Variants in PDE4D observed in about 807,000 individuals in gnomAD.
PDE4D encodes phosphodiesterase 4D, also known as 3',5'-cyclic-AMP phosphodiesterase 4D.
PDE4D carries 24 observed loss-of-function variants against 87.4 expected under a neutral mutation model. The observed-to-expected ratio is 0.27, with a 90% CI of 0.20 to 0.39. PDE4D has a LOEUF of 0.39. Ranked by LOEUF, PDE4D falls within the 10% of genes least tolerant of loss-of-function variation. The pLI is 1.00. For missense variants in PDE4D, 714 were observed against 1,041.0 expected, an observed-to-expected ratio of 0.69 and a Z score of 4.32; for synonymous variants, 384 against 383.2, an observed-to-expected ratio of 1.00 and a Z score of -0.02.
At position 60,209,187 on chromosome 5, in the gene PDE4D, CTTTTTTT is replaced by C. The variant is rs58524375; in HGVS notation, c.-89-23507_-89-23501del. The stretch of plus-strand genomic sequence containing the variant: ...CAAGGAAAGTATTTTTTCTTTTTTT[CTTTTTTT>C]TTTTTTTTTTTTTTTAGTGTTAATG... On this transcript the variant is annotated intron_variant, in intron 1 of 16. Coordinates refer to the PDE4D transcript ENST00000502484. Among the ~76,000 whole-genome samples, 6 of 108,476 alleles carry C rather than the reference CTTTTTTT, an allele frequency of 5.5e-5. No homozygotes were observed. The South Asian group carries it at 1.8e-3, about 33-fold the overall frequency. 71.2% of individuals were successfully genotyped at this position (108,476 alleles called of 152,430 possible). A position where few individuals can be genotyped will look rare whatever the true frequency, so the allele number is the denominator to read the frequency against.
At chr5:59,825,321 C>T (rs1005277746) in intron 1 of PDE4D, among the ~76,000 whole-genome samples, 3 of 152,210 alleles carry the variant, frequency 2.0e-5, no homozygotes, top group Non-Finnish European at 4.4e-5. Context: ...CGCTGAAGAA[C>T]CATCTCAGAG....
At chr5:60,463,390 A>T (rs546648013) in intron 1 of PDE4D, among the ~76,000 whole-genome samples, 1 of 152,224 alleles carries the variant, frequency 6.6e-6, no homozygotes, top group East Asian at 1.9e-4. Context: ...ACACACACAC[A>T]CAATTTCTAC....
At chr5:59,701,915 G>A (rs1752631406) in intron 1 of PDE4D, among the ~76,000 whole-genome samples, 1 of 152,196 alleles carries the variant, frequency 6.6e-6, no homozygotes, top group African/African-American at 2.4e-5. Flanking sequence ...AGTTCTGGAG[G>A]CAGAGAGTGG....
At chr5:59,076,475 A>G (rs1307905539) in intron 5 of PDE4D, among the ~76,000 whole-genome samples, 1 of 152,194 alleles carries the variant, frequency 6.6e-6, no homozygotes, top group African/African-American at 2.4e-5. Context: ...AGTTAATGCC[A>G]TAACAATGAA....
chr5:59,887,922 G>T (rs188099925), intron 1 of PDE4D, among the ~76,000 whole-genome samples: 9 of 152,312 alleles, frequency 5.9e-5, no homozygotes, highest in Admixed American at 1.3e-4. Flanking sequence ...ATGGTTAAAA[G>T]ATGGCCACAA....
chr5:59,306,568 GACAA>G (rs1275324187), intron 1 of PDE4D, among the ~76,000 whole-genome samples: 5 of 152,140 alleles, frequency 3.3e-5, no homozygotes, highest in East Asian at 1.9e-4. Flanking sequence ...ACCAATAACA[GACAA>G]ACAGAGAGCC....
intron 1 of PDE4D, among the ~76,000 whole-genome samples, chr5:59,347,950 G>C (rs1475577915): frequency 6.6e-5 from 10 of 152,052 alleles, no homozygotes. Context: ...TCTTTGTAAA[G>C]GTTTCCCTGG....
intron 1 of PDE4D, among the ~76,000 whole-genome samples, chr5:60,316,739 A>C (rs1435657467): frequency 6.6e-6 from 1 of 152,098 alleles, no homozygotes; most frequent in Non-Finnish European, 1.5e-5. Context: ...GCATCTATTG[A>C]GATAATCATA....
At chr5:59,662,226 G>T (rs1458413057) in intron 1 of PDE4D, among the ~76,000 whole-genome samples, 1 of 152,166 alleles carries the variant, frequency 6.6e-6, no homozygotes, top group Non-Finnish European at 1.5e-5. Flanking sequence ...TGAATTGACA[G>T]GAAAACAAGA....
chr5:59,423,105 T>C (rs531923719), intron 1 of PDE4D, among the ~76,000 whole-genome samples: 2 of 152,310 alleles, frequency 1.3e-5, no homozygotes, highest in South Asian at 4.1e-4. Context: ...CTTCTCCAGT[T>C]TATTTTTGCC....
intron 1 of PDE4D, among the ~76,000 whole-genome samples, chr5:59,350,595 G>A (rs1231130213): frequency 1.3e-5 from 2 of 152,112 alleles, no homozygotes; most frequent in African/African-American, 2.4e-5. Context: ...CAAACGCCAA[G>A]CACCTAATAT....
At chr5:59,923,203 A>G (rs759567618) in intron 3 of PDE4D, among the ~76,000 whole-genome samples, 2 of 152,164 alleles carry the variant, frequency 1.3e-5, no homozygotes, top group African/African-American at 2.4e-5. Flanking sequence ...ATAGAACACC[A>G]GGTAGCTTCT....
intron 1 of PDE4D, among the ~76,000 whole-genome samples, chr5:59,726,839 T>C (rs1756667982): frequency 6.6e-6 from 1 of 152,094 alleles, no homozygotes; most frequent in South Asian, 2.1e-4. Flanking sequence ...ATGTAAACTA[T>C]ATTTTGAATA....
intron 1 of PDE4D, among the ~76,000 whole-genome samples, chr5:60,313,315 A>G (rs946810118): frequency 2.0e-5 from 3 of 152,210 alleles, no homozygotes; most frequent in African/African-American, 7.2e-5. Flanking sequence ...TTATGCATAC[A>G]AACTAGAAAA....
intron 1 of PDE4D, among the ~76,000 whole-genome samples, chr5:60,419,379 AT>A (rs1385944955): frequency 6.6e-5 from 10 of 152,260 alleles, no homozygotes; most frequent in Admixed American, 2.0e-4. Flanking sequence ...ACACAAAAAA[AT>A]ATAAAGTATG....
intron 1 of PDE4D, chr5:59,217,156 G>A (rs1751439575): frequency 4.4e-6 from 2 of 453,112 alleles, no homozygotes; most frequent in Non-Finnish European, 4.4e-6. Context: ...CCTTTCTAGT[G>A]AAACATCAAC....
intron 6 of PDE4D, among the ~76,000 whole-genome samples, chr5:59,038,054 A>C (rs1272975888): frequency 6.6e-6 from 1 of 152,190 alleles, no homozygotes; most frequent in African/African-American, 2.4e-5. Flanking sequence ...AAAAACATAC[A>C]CAATTCCAAT....
At chr5:59,079,750 G>T (rs71626133) in intron 5 of PDE4D, among the ~76,000 whole-genome samples, 6,822 of 151,574 alleles carry the variant, frequency 0.045, 313 homozygotes, top group East Asian at 0.13. Flanking sequence ...GAGGCAGGAG[G>T]ACTGGTTGAG....
At chr5:59,471,821 A>G (rs1802491061) in intron 1 of PDE4D, among the ~76,000 whole-genome samples, 2 of 152,236 alleles carry the variant, frequency 1.3e-5, no homozygotes, top group South Asian at 4.1e-4. Flanking sequence ...AGGTTGTAGT[A>G]TAATATATTA....
Sources: allele counts gnomAD v4.1 joint callset (sites outside exome capture counted in the v4.1 genomes callset), GRCh38; gene constraint gnomAD v4.1.1; transcripts MANE v1.5; gene names NCBI Gene and HGNC (gene_info 2026-07-23, HGNC 2026-07-21).